The following DOCK1 variants were observed in gnomAD, a reference collection of about 807,000 sequenced individuals.
DOCK1 encodes dedicator of cytokinesis 1, also known as dedicator of cytokinesis protein 1.
In DOCK1, 138 loss-of-function variants were observed where a neutral mutation model predicts 262.7. The ratio of observed to expected loss-of-function variants is 0.53; its 90% CI spans 0.46 to 0.61. DOCK1 has a LOEUF of 0.61. Ranked by LOEUF, DOCK1 falls within the 20% of genes least tolerant of loss-of-function variation. The pLI is 0.00. For synonymous variants in DOCK1, 866 were observed against 867.4 expected (o/e 1.00, Z 0.03); for missense variants, 1,908 against 2,370.7 (o/e 0.80, Z 4.05).
chr10:127,123,875 C>T (rs2049775234), intron 25 of DOCK1, among the ~76,000 whole-genome samples: 2 of 152,146 alleles, frequency 1.3e-5, no homozygotes, highest in South Asian at 2.1e-4. Flanking sequence ...GCTCTTAGCA[C>T]GTCATACATT....
intron 46 of DOCK1, among the ~76,000 whole-genome samples, chr10:127,421,042 A>G (rs180938071): frequency 1.3e-4 from 20 of 151,934 alleles, no homozygotes; most frequent in African/African-American, 4.6e-4. Context: ...TTAGCCTTCC[A>G]AGTAGCTGGG....
chr10:126,942,518 A>G (rs934808228), intron 1 of DOCK1, among the ~76,000 whole-genome samples: 3 of 152,136 alleles, frequency 2.0e-5, no homozygotes, highest in African/African-American at 4.8e-5. Flanking sequence ...AAGACCTACA[A>G]GCGTTAGAAT....
intron 27 of DOCK1, among the ~76,000 whole-genome samples, chr10:127,202,085 G>A (rs572422423): frequency 8.5e-5 from 13 of 152,252 alleles, no homozygotes; most frequent in African/African-American, 3.1e-4. Context: ...CATTTTGGGA[G>A]GCCAAGGCGG....
At chr10:127,154,292 G>A (rs1026368281) in intron 27 of DOCK1, among the ~76,000 whole-genome samples, 1 of 152,150 alleles carries the variant, frequency 6.6e-6, no homozygotes, top group African/African-American at 2.4e-5. Context: ...GCTTATGTTT[G>A]CTCTACCCCA....
intron 27 of DOCK1, chr10:127,137,768 T>C: frequency 7.0e-7 from 1 of 1,433,118 alleles, no homozygotes; most frequent in Non-Finnish European, 9.5e-7. Flanking sequence ...CCTATTCATT[T>C]TGGAAAAGTA....
At chr10:127,411,634 A>G (rs960373511) in intron 43 of DOCK1, among the ~76,000 whole-genome samples, 1 of 152,168 alleles carries the variant, frequency 6.6e-6, no homozygotes, top group Non-Finnish European at 1.5e-5. Context: ...TTAGTTCAGG[A>G]GTTCGAGACC....
intron 43 of DOCK1, among the ~76,000 whole-genome samples, chr10:127,412,984 C>T (rs1276262931): frequency 4.6e-5 from 7 of 152,182 alleles, no homozygotes; most frequent in African/African-American, 7.2e-5. Context: ...TGCAACAGTG[C>T]GGGCAGAACC....
chr10:127,080,892 G>A (rs1012959111), intron 23 of DOCK1, among the ~76,000 whole-genome samples: 1 of 152,104 alleles, frequency 6.6e-6, no homozygotes, highest in Admixed American at 6.5e-5. Flanking sequence ...GTGTGTAGTC[G>A]TTAGCTCATA....
rs987777666 is a variant in DOCK1, at chr10:127,224,649, G to A, written c.2848-23359G>A. ...GTAGGAGGATCACTTGAACCCAGTAGGTTAAGGCCGTGGTGAGCTCTGATC... is the reference window on the plus strand; with the variant it reads ...GTAGGAGGATCACTTGAACCCAGTAAGTTAAGGCCGTGGTGAGCTCTGATC... On this transcript the variant is annotated intron_variant, in intron 27 of 51. Transcript: ENST00000623213. 2.6e-5 allele frequency among the ~76,000 whole-genome samples: 4 copies of A among 151,798 alleles called. No homozygotes were observed. The South Asian group carries it at 8.3e-4, about 32-fold the overall frequency.
chr10:127,114,163 T>C (rs926866424), intron 25 of DOCK1, among the ~76,000 whole-genome samples: 1 of 152,206 alleles, frequency 6.6e-6, no homozygotes, highest in Non-Finnish European at 1.5e-5. Context: ...ATGAGAACTT[T>C]CCAAGCTGGG....
At chr10:126,947,878 GTGATGGTGGTGGTTGGTAGTATTACTGT>G (rs2035671611) in intron 1 of DOCK1, among the ~76,000 whole-genome samples, 2 of 109,348 alleles carry the variant, frequency 1.8e-5, no homozygotes, top group Non-Finnish European at 3.6e-5. Context: ...ACTGTTGGTG[GTGATGGTGGTGGTTGGTAGTATTACTGT>G]TGGTGATGGT....
chr10:127,018,603 G>A, intron 12 of DOCK1, 107 bp from the exon 13 acceptor site: 4 of 1,553,388 alleles, frequency 2.6e-6, no homozygotes, highest in Non-Finnish European at 8.8e-7. Context: ...CTCTCAAGAT[G>A]TTGAATTGTG....
chr10:127,240,660 A>G (rs1259890085), intron 27 of DOCK1, among the ~76,000 whole-genome samples: 1 of 152,212 alleles, frequency 6.6e-6, no homozygotes, highest in Non-Finnish European at 1.5e-5. Context: ...CTCATTTTAC[A>G]ACATCGTTCT....
Position 127,384,887 on chromosome 10 carries a change from T to C in DOCK1, c.3905T>C (p.Ile1302Thr). 1 of 1,602,838 alleles carries C rather than the reference T, an allele frequency of 6.2e-7. No individual in the cohort carries two copies. ...AAGGAGCAGCTCTACCAGGAAATCA[T>C]CCACTACTTCGACAAAGGCAAGGTA... ...QLKEQLYQEI[I>T]HYFDKGKMWE... Residue 1302 changes from isoleucine (I) to threonine (T), a missense_variant, in exon 38 of 52, where the codon ATC (isoleucine) becomes ACC (threonine). Coordinates refer to ENST00000623213, the MANE Select transcript of DOCK1 (RefSeq NM_001290223.2).
Position 127,274,784 on chromosome 10 carries a change from C to T in DOCK1, c.3044+17355C>T, listed in dbSNP as rs570976476. On this transcript the variant is annotated intron_variant, in intron 29 of 51. Transcript: ENST00000623213. Reference sequence around the variant, plus strand: ...TTTCTCAACCCTGTTTATTTTTTTTCCCATTATGACCCTCCTAAGGAGAGA... The same window carrying T: ...TTTCTCAACCCTGTTTATTTTTTTTTCCATTATGACCCTCCTAAGGAGAGA... Among the ~76,000 whole-genome samples the T allele has an allele frequency of 4.6e-5, 7 of 151,952 alleles. No homozygotes were observed. The East Asian group carries it at 1.4e-3, about 29-fold the overall frequency.
At chr10:127,143,637 C>T (rs1021000711) in intron 27 of DOCK1, among the ~76,000 whole-genome samples, 2 of 152,166 alleles carry the variant, frequency 1.3e-5, no homozygotes, top group Admixed American at 6.5e-5. Flanking sequence ...CTGACATTGG[C>T]GCCAACTTGG....
At chr10:126,980,240 T>C (rs998942321) in intron 3 of DOCK1, among the ~76,000 whole-genome samples, 3 of 152,152 alleles carry the variant, frequency 2.0e-5, no homozygotes, top group African/African-American at 7.2e-5. Flanking sequence ...TGGCTCAGAC[T>C]GAGTGCGGTG....
rs960603329 is a variant in DOCK1, at chr10:126,933,688, G to A, written c.46+28125G>A. On this transcript the variant is annotated intron_variant, in intron 1 of 51. Coordinates refer to ENST00000623213, the MANE Select transcript of DOCK1 (RefSeq NM_001290223.2). ...GTTCCGCCCCTGGAAATGATGAGGT[G>A]TGTATTCCTTCTGCTTCTCTTTGAG... is the stretch of plus-strand genomic sequence containing the variant. 5.9e-3 allele frequency among the ~76,000 whole-genome samples: 898 copies of A among 152,292 alleles called. 8 individuals are homozygous for A. The highest frequency in any genetic ancestry group is 0.02 in the African/African-American group (830 of 41,572).
At position 126,991,927 on chromosome 10, in the gene DOCK1, G is replaced by C. The variant is rs189439448; in HGVS notation, c.473+1324G>C. Among the ~76,000 whole-genome samples, 12 of 152,348 alleles carry C rather than the reference G, an allele frequency of 7.9e-5. No homozygotes were observed. The East Asian group carries it at 2.3e-3, about 29-fold the overall frequency. ...ACCCCCTCATTTTACACATTGGAATGTGGAAGTCAGAAAAGGGAAGGGGTT... is the reference window on the plus strand; with the variant it reads ...ACCCCCTCATTTTACACATTGGAATCTGGAAGTCAGAAAAGGGAAGGGGTT... On this transcript the variant is annotated intron_variant, in intron 6 of 51. Coordinates refer to ENST00000623213, the MANE Select transcript of DOCK1 (RefSeq NM_001290223.2).
Sources: gnomAD v4.1 joint callset for allele counts (sites outside exome capture counted in the v4.1 genomes callset) on GRCh38, gnomAD v4.1.1 for gene constraint, MANE v1.5 for transcripts, NCBI Gene and HGNC (gene_info 2026-07-23, HGNC 2026-07-21) for gene names.